Variants in MGLL observed in about 807,000 individuals in gnomAD.
MGLL encodes lysophospholipase homolog.
MGLL carries 7 observed loss-of-function variants against 29.1 expected under a neutral mutation model. The observed-to-expected ratio is 0.24, with a 90% CI of 0.14 to 0.45. The LOEUF (loss-of-function observed/expected upper bound fraction) is 0.45. Ranked by LOEUF, MGLL falls within the 20% of genes least tolerant of loss-of-function variation. The probability of loss-of-function intolerance (pLI) is 0.99; values close to 1 mark genes in which losing one functional copy is unlikely to be tolerated. For synonymous variants in MGLL, 148 were observed against 168.3 expected (o/e 0.88, Z 0.93); for missense variants, 356 against 413.6 (o/e 0.86, Z 1.21).
intron 3 of MGLL, among the ~76,000 whole-genome samples, chr3:127,727,634 C>A (rs970633677): frequency 6.7e-6 from 1 of 149,510 alleles, no homozygotes; most frequent in Non-Finnish European, 1.5e-5. Context: ...ATCGTTTGAG[C>A]CCAGGAGGTC....
At chr3:127,742,589 C>CA (rs60743176) in intron 3 of MGLL, among the ~76,000 whole-genome samples, 14,844 of 68,142 alleles carry the variant, frequency 0.22, 492 homozygotes, top group Middle Eastern at 0.29. Flanking sequence ...GACTCCGTCC[C>CA]AAAAAAAAAA....
chr3:127,722,122 C>G (rs1478320900), intron 4 of MGLL, among the ~76,000 whole-genome samples: 1 of 152,164 alleles, frequency 6.6e-6, no homozygotes, highest in African/African-American at 2.4e-5. Flanking sequence ...AGGAGCTATT[C>G]CCCCCTCCAA....
At chr3:127,745,017 C>T (rs1284427448) in intron 3 of MGLL, among the ~76,000 whole-genome samples, 1 of 152,082 alleles carries the variant, frequency 6.6e-6, no homozygotes, top group Non-Finnish European at 1.5e-5. Context: ...CGGCAGAGTC[C>T]CTGGAAGGCA....
At chr3:127,820,910 G>A (rs1448418656) in intron 2 of MGLL, among the ~76,000 whole-genome samples, 1 of 152,180 alleles carries the variant, frequency 6.6e-6, no homozygotes, top group Non-Finnish European at 1.5e-5. Flanking sequence ...CCTGTGTGAG[G>A]GTTGGGTGAT....
At chr3:127,814,617 T>C (rs568751808) in intron 2 of MGLL, among the ~76,000 whole-genome samples, 7 of 152,224 alleles carry the variant, frequency 4.6e-5, no homozygotes, top group Non-Finnish European at 1.0e-4. Flanking sequence ...TCTGCTATTT[T>C]TTTTCTTCGA....
chr3:127,715,675 A>G (rs1228847868), intron 5 of MGLL: 1 of 456,608 alleles, frequency 2.2e-6, no homozygotes, highest in Non-Finnish European at 4.4e-6. Context: ...ACGGTTGAGC[A>G]GGGGCCATTG....
intron 2 of MGLL, among the ~76,000 whole-genome samples, chr3:127,821,482 A>T (rs1016174393): frequency 6.6e-6 from 1 of 152,264 alleles, no homozygotes; most frequent in African/African-American, 2.4e-5. Flanking sequence ...CTGAGTTGTT[A>T]TAATGAAAAA....
intron 3 of MGLL, chr3:127,736,107 TTGTTTGGAGC>T (rs1192978913): frequency 8.5e-7 from 1 of 1,176,772 alleles, no homozygotes; most frequent in Admixed American, 4.2e-5. Flanking sequence ...GCTAGTTCCA[TTGTTTGGAGC>T]TCAGGGTCAG....
intron 2 of MGLL, among the ~76,000 whole-genome samples, chr3:127,805,748 C>T (rs1039862834): frequency 1.3e-5 from 2 of 152,216 alleles, no homozygotes; most frequent in African/African-American, 2.4e-5. Context: ...TAGCATGTAG[C>T]TGACACTGTC....
At chr3:127,796,897 A>G (rs1046279979) in intron 2 of MGLL, among the ~76,000 whole-genome samples, 1 of 152,202 alleles carries the variant, frequency 6.6e-6, no homozygotes, top group African/African-American at 2.4e-5. Flanking sequence ...AGCCTGGTGC[A>G]TTTACCACCT....
chr3:127,737,345 C>T (rs904164097), intron 3 of MGLL, among the ~76,000 whole-genome samples: 1 of 151,754 alleles, frequency 6.6e-6, no homozygotes, highest in Non-Finnish European at 1.5e-5. Context: ...GACTTCACTT[C>T]CTGAAGGCTC....
chr3:127,689,145 C>A lies in MGLL; in HGVS notation c.*3053G>T, dbSNP rs72969613. 17 of 152,224 alleles carry A rather than the reference C, an allele frequency of 1.1e-4. No individual in the cohort carries two copies. Among genetic ancestry groups the A allele is most frequent in the African/African-American group, 4.1e-4 (17 of 41,448 alleles). The allele number at this position is 152,224 out of a possible 1,614,324, so 9.4% of individuals were successfully genotyped here. On this transcript the variant is annotated 3_prime_UTR_variant, in exon 8 of 8. Coordinates refer to ENST00000265052, the MANE Select transcript of MGLL (RefSeq NM_007283.7). ...GCTCTAAATGGATACATATGTGCCCCGCAGACAGTATACACGCAGGGATGT... is the reference window on the plus strand; with the variant it reads ...GCTCTAAATGGATACATATGTGCCCAGCAGACAGTATACACGCAGGGATGT...
In MGLL at chr3:127,761,659, G is replaced by C. The variant is rs568610890; in HGVS notation, c.262+20130C>G. Reference sequence around the variant, plus strand: ...TTCCTCTTTTGGCTGGTGAGGACACGGAGGCACAGAGAGGGCTGGCGCACA... The same window carrying C: ...TTCCTCTTTTGGCTGGTGAGGACACCGAGGCACAGAGAGGGCTGGCGCACA... On this transcript the variant is annotated intron_variant, in intron 3 of 7. Coordinates refer to ENST00000265052, the MANE Select transcript of MGLL (RefSeq NM_007283.7). The surrounding 1 kb of genome is among the most constrained non-coding windows in gnomAD (Gnocchi z 4.6). Among the ~76,000 whole-genome samples the C allele has an allele frequency of 6.6e-6, 1 of 152,198 alleles. No homozygotes were observed. Among genetic ancestry groups the C allele is most frequent in the Non-Finnish European group, 1.5e-5 (1 of 68,032 alleles).
chr3:127,714,097 A>G (rs2075770524), intron 5 of MGLL: 1 of 151,852 alleles, frequency 6.6e-6, no homozygotes, highest in South Asian at 2.1e-4. Flanking sequence ...CGTAGGAAAA[A>G]AAAAAAAAGA....
chr3:127,767,713 A>G (rs2076882925), intron 3 of MGLL, among the ~76,000 whole-genome samples: 1 of 152,236 alleles, frequency 6.6e-6, no homozygotes, highest in African/African-American at 2.4e-5. Context: ...TTGTAAACTT[A>G]TAGTCTCAGA....
intron 6 of MGLL, among the ~76,000 whole-genome samples, chr3:127,702,578 G>C (rs80013372): frequency 0.019 from 2,855 of 152,296 alleles, 97 homozygotes; most frequent in African/African-American, 0.064. Context: ...GATAATCAAG[G>C]ATCAGCCTAC....
Position 127,726,721 on chromosome 3 carries a change from C to T in MGLL, c.263-4155G>A, listed in dbSNP as rs573381940. 1.4e-4 allele frequency among the ~76,000 whole-genome samples: 22 copies of T among 152,312 alleles called. No homozygotes were observed. The South Asian group carries it at 2.5e-3, about 17-fold the overall frequency. ...CTGGGATTACAGGTGTGAGCCACCG[C>T]GCCTGGCCTACAGGGGTTCTTTATA... On this transcript the variant is annotated intron_variant, in intron 3 of 7. Coordinates refer to ENST00000265052, the MANE Select transcript of MGLL (RefSeq NM_007283.7).
At chr3:127,817,210 A>C (rs770493623) in intron 2 of MGLL, among the ~76,000 whole-genome samples, 53 of 152,250 alleles carry the variant, frequency 3.5e-4, no homozygotes, top group Non-Finnish European at 3.8e-4. Context: ...TTTGGAACAA[A>C]ATGCTAAACA....
At chr3:127,723,850 C>G (rs1190779858) in intron 3 of MGLL, among the ~76,000 whole-genome samples, 2 of 152,112 alleles carry the variant, frequency 1.3e-5, no homozygotes, top group Admixed American at 6.5e-5. Context: ...TGTTGAAGCT[C>G]TAACCCCCAG....
Sources: gnomAD v4.1 joint callset for allele counts (sites outside exome capture counted in the v4.1 genomes callset) on GRCh38, gnomAD v4.1.1 for gene constraint, Gnocchi (gnomAD v3.1) non-coding constraint, MANE v1.5 for transcripts, NCBI Gene and HGNC (gene_info 2026-07-23, HGNC 2026-07-21) for gene names.